Variants in EPHB1 observed in about 807,000 individuals in gnomAD.
EPHB1 encodes ephrin type-B receptor 1.
A neutral mutation model predicts 94.4 loss-of-function variants in EPHB1; 30 were observed. That is an observed-to-expected ratio of 0.32 (90% CI 0.24 to 0.43). The LOEUF (loss-of-function observed/expected upper bound fraction) is 0.43, where lower values mean the gene tolerates loss of function less well. EPHB1 is among the 20% of genes least tolerant of loss of function. The pLI is 1.00. For synonymous variants in EPHB1, 522 were observed against 489.1 expected (o/e 1.07, Z -0.89); for missense variants, 1,055 against 1,308.3 (o/e 0.81, Z 2.99).
chr3:134,984,768 G>A (rs563630833), intron 3 of EPHB1, among the ~76,000 whole-genome samples: 1 of 152,276 alleles, frequency 6.6e-6, no homozygotes, highest in African/African-American at 2.4e-5. Flanking sequence ...TGCCTCCAGT[G>A]TGTGTGTGGT....
intron 5 of EPHB1, among the ~76,000 whole-genome samples, chr3:135,140,851 C>G (rs1460609451): frequency 1.3e-5 from 2 of 152,202 alleles, no homozygotes; most frequent in African/African-American, 4.8e-5. Context: ...CAGGCAGGAG[C>G]ACCAGGGGTT....
At chr3:135,009,840 T>G (rs1935558793) in intron 3 of EPHB1, among the ~76,000 whole-genome samples, 1 of 152,260 alleles carries the variant, frequency 6.6e-6, no homozygotes, top group African/African-American at 2.4e-5. Flanking sequence ...TAAAAACGTT[T>G]CTGATTATGC....
chr3:135,168,685 T>A (rs1941723129), intron 9 of EPHB1, among the ~76,000 whole-genome samples: 1 of 152,154 alleles, frequency 6.6e-6, no homozygotes, highest in African/African-American at 2.4e-5. Flanking sequence ...TGCCTCAGGA[T>A]CCTGACATTG....
At chr3:134,966,483 C>G (rs1220164442) in intron 3 of EPHB1, among the ~76,000 whole-genome samples, 2 of 152,224 alleles carry the variant, frequency 1.3e-5, no homozygotes, top group Admixed American at 6.5e-5. Flanking sequence ...CCTGGCTCTT[C>G]TTGTCTTTTT....
chr3:135,256,625 G>A (rs1298612398), intron 15 of EPHB1, among the ~76,000 whole-genome samples: 3 of 152,144 alleles, frequency 2.0e-5, no homozygotes, highest in Non-Finnish European at 4.4e-5. Flanking sequence ...AGGGTAACCC[G>A]ACCTTTCTCT....
chr3:134,937,813 C>T lies in EPHB1; in HGVS notation c.123+11933C>T, dbSNP rs76446370. Among the ~76,000 whole-genome samples the T allele has an allele frequency of 3.8e-3, 582 of 152,114 alleles. 6 individuals carry two copies. The highest frequency in any genetic ancestry group is 0.013 in the African/African-American group (537 of 41,486). ...GGCAGCAGTGAGAGCCACATTCAAT[C>T]GACAGCTTAAGATAATCACATGTGT... On this transcript the variant is annotated intron_variant, in intron 2 of 15. Coordinates refer to ENST00000398015, the MANE Select transcript of EPHB1 (RefSeq NM_004441.5).
At chr3:135,025,242 G>A (rs1274192319) in intron 3 of EPHB1, among the ~76,000 whole-genome samples, 31 of 99,756 alleles carry the variant, frequency 3.1e-4, no homozygotes, top group Non-Finnish European at 5.7e-4. Flanking sequence ...TTAAGTTTTA[G>A]GGTACATGTG....
intron 1 of EPHB1, among the ~76,000 whole-genome samples, chr3:134,806,176 T>C (rs2036039529): frequency 6.6e-6 from 1 of 152,250 alleles, no homozygotes; most frequent in South Asian, 2.1e-4. Context: ...CTCATTCCTC[T>C]CCCTTTGAAT....
intron 14 of EPHB1, 51 bp from the exon 15 acceptor site, chr3:135,249,285 G>C (rs933825177): frequency 2.9e-5 from 46 of 1,569,032 alleles, no homozygotes; most frequent in Non-Finnish European, 4.0e-5. Context: ...CTGGGGCACT[G>C]TCCATGCATC....
At chr3:135,193,350 G>A (rs577765330) in intron 11 of EPHB1, among the ~76,000 whole-genome samples, 19 of 152,350 alleles carry the variant, frequency 1.2e-4, no homozygotes, top group South Asian at 2.1e-4. Context: ...TGTGATTGGC[G>A]AAGATTCCCA....
intron 2 of EPHB1, 142 bp downstream of exon 2, chr3:134,926,022 G>A: frequency 7.6e-6 from 5 of 660,200 alleles, no homozygotes; most frequent in Non-Finnish European, 1.2e-5. Context: ...GCCCATCCAT[G>A]CAAAGACAGC....
chr3:135,164,429 C>T (rs1431144485), intron 7 of EPHB1, among the ~76,000 whole-genome samples: 8 of 152,170 alleles, frequency 5.3e-5, no homozygotes, highest in African/African-American at 1.9e-4. Flanking sequence ...GGATCTGATT[C>T]AGTAGATCTG....
intron 2 of EPHB1, among the ~76,000 whole-genome samples, chr3:134,926,475 G>A (rs2038793149): frequency 6.6e-6 from 1 of 152,358 alleles, no homozygotes; most frequent in Admixed American, 6.5e-5. Context: ...CAAGGTGTGA[G>A]CAAGCTGGGT....
chr3:135,206,172 A>G (rs1942896669), intron 12 of EPHB1, among the ~76,000 whole-genome samples: 1 of 152,214 alleles, frequency 6.6e-6, no homozygotes, highest in South Asian at 2.1e-4. Flanking sequence ...TATATTTAAG[A>G]GAACCGTTCA....
chr3:135,087,150 T>C (rs1401152214), intron 3 of EPHB1, among the ~76,000 whole-genome samples: 1 of 152,214 alleles, frequency 6.6e-6, no homozygotes, highest in African/African-American at 2.4e-5. Flanking sequence ...GTATTGCAAT[T>C]ATTATTTGAT....
chr3:135,003,541 C>G (rs894017335), intron 3 of EPHB1, among the ~76,000 whole-genome samples: 6 of 150,830 alleles, frequency 4.0e-5, no homozygotes, highest in African/African-American at 1.5e-4. Flanking sequence ...GTTGATCTGT[C>G]TAATGTTGAC....
Position 134,866,629 on chromosome 3 carries a change from G to T in EPHB1, c.59-59187G>T, listed in dbSNP as rs116556623. ...AAGCCCTTGCTGATGTCTTTTTCAG[G>T]TTTCCAATGCCAAGGAGGAACTCTG... On this transcript the variant is annotated intron_variant, in intron 1 of 15. Coordinates refer to ENST00000398015, the MANE Select transcript of EPHB1 (RefSeq NM_004441.5). 2.2e-3 allele frequency among the ~76,000 whole-genome samples: 330 copies of T among 152,350 alleles called. 2 individuals are homozygous for T. The highest frequency in any genetic ancestry group is 7.6e-3 in the African/African-American group (316 of 41,582).
rs1346978629 is a variant in EPHB1, at chr3:135,241,196, C to T, written c.2395C>T (p.Arg799Cys). 5.0e-6 allele frequency: 8 copies of T among 1,614,150 alleles called. No homozygotes were observed. Among genetic ancestry groups the T allele is most frequent in the South Asian group, 1.1e-5 (1 of 91,078 alleles). The change falls in exon 13 of 16, where the codon CGC (arginine) becomes TGC (cysteine). Residue 799 changes from arginine (R) to cysteine (C), a missense_variant. Transcript: ENST00000398015. ...GACAGCTCCAGAGGCCATCGCCTACCGCAAGTTCACTTCAGCCAGCGACGT... is the reference window on the plus strand; with the variant it reads ...GACAGCTCCAGAGGCCATCGCCTACTGCAAGTTCACTTCAGCCAGCGACGT... Reference protein sequence around the residue: ...RWTAPEAIAYRKFTSASDVWS... With the variant: ...RWTAPEAIAYCKFTSASDVWS...
intron 3 of EPHB1, among the ~76,000 whole-genome samples, chr3:134,958,400 A>T (rs1933362364): frequency 6.9e-6 from 1 of 145,380 alleles, no homozygotes; most frequent in South Asian, 2.3e-4. Context: ...AGAGAAGGTG[A>T]GGAACACAAG....
Sources: allele counts gnomAD v4.1 joint callset (sites outside exome capture counted in the v4.1 genomes callset), GRCh38; gene constraint gnomAD v4.1.1; transcripts MANE v1.5; gene names NCBI Gene and HGNC (gene_info 2026-07-23, HGNC 2026-07-21).